The following FDX1 variants were observed in gnomAD, a reference collection of about 807,000 sequenced individuals.
The protein encoded by FDX1 is ferredoxin 1, also known as adrenodoxin, mitochondrial.
FDX1 carries 9 observed loss-of-function variants against 14.9 expected under a neutral mutation model. The observed-to-expected ratio is 0.60, with a 90% CI of 0.36 to 1.05. The LOEUF (loss-of-function observed/expected upper bound fraction) is 1.05, where lower values mean the gene tolerates loss of function less well. Ranked by LOEUF, FDX1 falls within the 50% of genes least tolerant of loss-of-function variation. FDX1 has a pLI of 0.01. For missense variants in FDX1, 204 were observed against 237.2 expected, an observed-to-expected ratio of 0.86 and a Z score of 0.92; for synonymous variants, 92 against 99.4, an observed-to-expected ratio of 0.93 and a Z score of 0.44.
chr11:110,445,608 G>A (rs1041063660), intron 2 of FDX1, among the ~76,000 whole-genome samples: 5 of 152,182 alleles, frequency 3.3e-5, no homozygotes, highest in African/African-American at 7.2e-5. Flanking sequence ...CGTACTGTGA[G>A]TCACAGTTAA....
chr11:110,435,163 C>T (rs946653046), intron 1 of FDX1, among the ~76,000 whole-genome samples: 4 of 152,030 alleles, frequency 2.6e-5, no homozygotes, highest in South Asian at 2.1e-4. Flanking sequence ...GGGATCCTCC[C>T]GTTTCAGCCT....
intron 2 of FDX1, among the ~76,000 whole-genome samples, chr11:110,436,255 T>C (rs1946368520): frequency 6.6e-6 from 1 of 152,128 alleles, no homozygotes; most frequent in African/African-American, 2.4e-5. Flanking sequence ...GATACCAGGT[T>C]AGAGAGAATA....
intron 1 of FDX1, among the ~76,000 whole-genome samples, chr11:110,434,344 T>TGC: frequency 6.6e-6 from 1 of 150,512 alleles, no homozygotes; most frequent in East Asian, 1.9e-4. Context: ...ATTTTTTTTT[T>TGC]TTTTTTTTTG....
intron 3 of FDX1, among the ~76,000 whole-genome samples, chr11:110,458,922 G>A (rs189497482): frequency 3.3e-5 from 5 of 152,248 alleles, no homozygotes; most frequent in Admixed American, 2.6e-4. Context: ...TTTATTGGTT[G>A]TCCTTAACCT....
chr11:110,449,148 A>G (rs1381386827), intron 2 of FDX1, among the ~76,000 whole-genome samples: 17 of 152,264 alleles, frequency 1.1e-4, no homozygotes, highest in Admixed American at 1.0e-3. Context: ...AATGTTAGGA[A>G]GAAAGCCAAA....
At chr11:110,430,672 A>G (rs1358908786) in intron 1 of FDX1, among the ~76,000 whole-genome samples, 1 of 152,112 alleles carries the variant, frequency 6.6e-6, no homozygotes, top group East Asian at 1.9e-4. Flanking sequence ...GCTCTGCCCG[A>G]AACTGGCAGT....
At chr11:110,435,998 G>C in intron 2 of FDX1, 40 bp downstream of exon 2, 2 of 1,538,436 alleles carry the variant, frequency 1.3e-6, no homozygotes, top group Non-Finnish European at 1.8e-6. Flanking sequence ...AAGTGAAACT[G>C]TTAGGTTTCA....
intron 2 of FDX1, among the ~76,000 whole-genome samples, chr11:110,442,091 C>A (rs10891111): frequency 2.0e-5 from 3 of 152,080 alleles, no homozygotes; most frequent in Non-Finnish European, 4.4e-5. Context: ...AAGTCAAGAA[C>A]TGGGGCTTGG....
intron 2 of FDX1, among the ~76,000 whole-genome samples, chr11:110,452,058 A>G (rs377449801): frequency 5.9e-5 from 9 of 152,178 alleles, no homozygotes; most frequent in African/African-American, 2.2e-4. Flanking sequence ...TAAACCTCAC[A>G]TCTTATAAAA....
In FDX1 at chr11:110,463,160, G is replaced by A. The variant is rs575195279; in HGVS notation, c.*692G>A. 1 of 152,350 alleles carries A rather than the reference G, an allele frequency of 6.6e-6. No homozygotes were observed. Among genetic ancestry groups the A allele is most frequent in the East Asian group, 1.9e-4 (1 of 5,194 alleles). 9.4% of individuals were successfully genotyped at this position (152,350 alleles called of 1,614,324 possible). A position where few individuals can be genotyped will look rare whatever the true frequency, so the allele number is the denominator to read the frequency against. On this transcript the variant is annotated 3_prime_UTR_variant, in exon 4 of 4. Transcript: ENST00000260270. ...TAAACTAGAGGAAAAATGATTGGAT[G>A]TGTTTATTCTTTTCTAAGCAGAATG...
At chr11:110,431,586 C>T (rs75288793) in intron 1 of FDX1, among the ~76,000 whole-genome samples, 107 of 152,254 alleles carry the variant, frequency 7.0e-4, no homozygotes, top group Non-Finnish European at 1.2e-3. Context: ...CACTTCCCCC[C>T]CTGTCTTTGA....
chr11:110,449,799 T>C (rs1946474600), intron 2 of FDX1, among the ~76,000 whole-genome samples: 1 of 152,154 alleles, frequency 6.6e-6, no homozygotes, highest in Non-Finnish European at 1.5e-5. Flanking sequence ...AGCTAATTTT[T>C]GTATTTTTAG....
rs1298154533 is a variant in FDX1 at position 110,464,706 on chromosome 11, T to C, written c.*2238T>C. The C allele has an allele frequency of 6.6e-6, 1 of 152,220 alleles. No individual in the cohort carries two copies. Among genetic ancestry groups the C allele is most frequent in the African/African-American group, 2.4e-5 (1 of 41,460 alleles). The allele number at this position is 152,220 out of a possible 1,614,324, so 9.4% of individuals were successfully genotyped here. On this transcript the variant is annotated 3_prime_UTR_variant, in exon 4 of 4. Coordinates refer to ENST00000260270, the MANE Select transcript of FDX1 (RefSeq NM_004109.5). ...ATTAGCTTCATTATTCTTGTCTTTG[T>C]GTGTGGATTACCTAAACTCTCCTTC...
At chr11:110,431,635 A>C (rs899824460) in intron 1 of FDX1, among the ~76,000 whole-genome samples, 1 of 152,166 alleles carries the variant, frequency 6.6e-6, no homozygotes, top group African/African-American at 2.4e-5. Context: ...ACAATGGATG[A>C]GTTTTGGACA....
At chr11:110,454,507 G>A (rs1276890875) in intron 2 of FDX1, among the ~76,000 whole-genome samples, 2 of 152,060 alleles carry the variant, frequency 1.3e-5, no homozygotes, top group African/African-American at 4.8e-5. Context: ...TACAGCATTG[G>A]GAAACTTAAG....
intron 1 of FDX1, among the ~76,000 whole-genome samples, chr11:110,432,396 A>T (rs989394468): frequency 3.3e-5 from 5 of 152,190 alleles, no homozygotes; most frequent in African/African-American, 1.2e-4. Context: ...TGCGGATTTT[A>T]AAAAAATTTT....
chr11:110,451,108 G>C (rs1299764111), intron 2 of FDX1, among the ~76,000 whole-genome samples: 1 of 147,612 alleles, frequency 6.8e-6, no homozygotes, highest in East Asian at 2.0e-4. Flanking sequence ...TATTTTGTAG[G>C]GTTCTCTGTG....
chr11:110,460,168 G>A lies in FDX1; in HGVS notation c.441-2186G>A, dbSNP rs147759906. ...AGAGCTTAATGCATAATTGAGTATT[G>A]TGAAGGCTGTTTCCAATTCTACAAA... is the stretch of plus-strand genomic sequence containing the variant. On this transcript the variant is annotated intron_variant, in intron 3 of 3. Coordinates refer to ENST00000260270, the MANE Select transcript of FDX1 (RefSeq NM_004109.5). Among the ~76,000 whole-genome samples, 1,376 of 152,268 alleles carry A rather than the reference G, an allele frequency of 9.0e-3. 18 individuals carry two copies. The highest frequency in any genetic ancestry group is 0.029 in the African/African-American group (1,195 of 41,554).
intron 2 of FDX1, among the ~76,000 whole-genome samples, chr11:110,444,736 ATATATATACACG>A (rs1449218089): frequency 4.6e-4 from 31 of 67,314 alleles, no homozygotes; most frequent in Admixed American, 9.3e-4. Flanking sequence ...ATATATATAT[ATATATATACACG>A]TATATATATA....
Sources: allele counts gnomAD v4.1 joint callset (sites outside exome capture counted in the v4.1 genomes callset), GRCh38; gene constraint gnomAD v4.1.1; transcripts MANE v1.5; gene names NCBI Gene and HGNC (gene_info 2026-07-23, HGNC 2026-07-21).